DIDO1: variants seen among roughly 807,000 people sequenced by gnomAD.
The protein encoded by DIDO1 is death inducer-obliterator 1.
A neutral mutation model predicts 99.4 loss-of-function variants in DIDO1; 16 were observed. The ratio of observed to expected loss-of-function variants is 0.16; its 90% CI spans 0.11 to 0.24. The LOEUF (loss-of-function observed/expected upper bound fraction) is 0.24. Among genes scored for constraint, DIDO1 ranks in the 10% least tolerant of loss-of-function variants. DIDO1 has a pLI of 1.00. For synonymous variants in DIDO1, 1,366 were observed against 1,239.1 expected (o/e 1.10, Z -2.15); for missense variants, 2,996 against 3,014.0 (o/e 0.99, Z 0.14).
chr20:62,910,649 C>T (rs2295002), intron 3 of DIDO1, 125 bp downstream of exon 3: 248,015 of 1,177,792 alleles, frequency 0.21, 28,537 homozygotes, highest in Middle Eastern at 0.4. Context: ...TCTTTTTTGA[C>T]AACTTGTTCA....
At chr20:62,900,280 A>T (rs1422911399) in intron 6 of DIDO1, among the ~76,000 whole-genome samples, 1 of 152,234 alleles carries the variant, frequency 6.6e-6, no homozygotes, top group Non-Finnish European at 1.5e-5. Flanking sequence ...GGCCCAGATG[A>T]AACTGTTGCT....
At chr20:62,929,758 GTTTTT>G (rs35776708), upstream of DIDO1, among the ~76,000 whole-genome samples, 2 of 126,052 alleles carry the variant, frequency 1.6e-5, no homozygotes, top group Non-Finnish European at 3.3e-5. Context: ...CCACTGTTTT[GTTTTT>G]TTTTTTTGAG....
upstream of DIDO1, among the ~76,000 whole-genome samples, chr20:62,927,820 T>G (rs2065279814): frequency 1.3e-5 from 2 of 152,232 alleles, no homozygotes; most frequent in African/African-American, 4.8e-5. Context: ...TTTGCTGGTG[T>G]GGCCCATTAG....
At chr20:62,937,747 C>T in intron 1 of DIDO1, 1 of 398,186 alleles carries the variant, frequency 2.5e-6, no homozygotes, top group Non-Finnish European at 4.4e-6. Flanking sequence ...GCCTTTCCCC[C>T]GCCCCACCCC....
At chr20:62,936,282 G>T (rs927261852) in intron 1 of DIDO1, among the ~76,000 whole-genome samples, 1 of 152,200 alleles carries the variant, frequency 6.6e-6, no homozygotes, top group African/African-American at 2.4e-5. Context: ...GGCCGGATGC[G>T]GTGGCTCATG....
rs1488257039 is a variant in DIDO1, at chr20:62,878,971, G to T, written c.*262C>A. ...TAAAGTTATTGGAAAAGATAACTATGATCTGAAAAGCAATATGCTCCGTAG... is the reference window on the plus strand; with the variant it reads ...TAAAGTTATTGGAAAAGATAACTATTATCTGAAAAGCAATATGCTCCGTAG... On this transcript the variant is annotated 3_prime_UTR_variant, in exon 16 of 16. Coordinates refer to ENST00000395343, the MANE Select transcript of DIDO1 (RefSeq NM_001193369.2). 1 of 387,288 alleles carries T rather than the reference G, an allele frequency of 2.6e-6. No individual in the cohort carries two copies. Among genetic ancestry groups the T allele is most frequent in the Non-Finnish European group, 4.5e-6 (1 of 220,876 alleles). 24.0% of individuals were successfully genotyped at this position (387,288 alleles called of 1,614,324 possible).
At chr20:62,907,107 G>C in intron 5 of DIDO1, 40 bp downstream of exon 5, 3 of 1,603,710 alleles carry the variant, frequency 1.9e-6, no homozygotes, top group Non-Finnish European at 1.7e-6. Context: ...TCTCACGCCT[G>C]TGCGTCCACT....
chr20:62,888,728 T>C (rs2064341314), intron 15 of DIDO1: 1 of 985,316 alleles, frequency 1.0e-6, no homozygotes, highest in South Asian at 4.7e-5. Context: ...TGTACATGTT[T>C]ATATCTAGAA....
chr20:62,900,870 C>T (rs767016993), intron 6 of DIDO1, among the ~76,000 whole-genome samples: 2 of 152,184 alleles, frequency 1.3e-5, no homozygotes, highest in African/African-American at 2.4e-5. Context: ...AAAACAGACT[C>T]AACAGTCAGT....
intron 1 of DIDO1, among the ~76,000 whole-genome samples, chr20:62,924,826 T>G (rs73619440): frequency 6.6e-6 from 1 of 151,998 alleles, no homozygotes; most frequent in Non-Finnish European, 1.5e-5. Context: ...TGAGCTCTGC[T>G]TGACATAGTC....
Position 62,882,305 on chromosome 20 carries a change from T to C in DIDO1, c.3651A>G (p.Arg1217=). 6.2e-7 allele frequency: 1 copy of C among 1,614,016 alleles called. No individual in the cohort carries two copies. Among genetic ancestry groups the C allele is most frequent in the Non-Finnish European group, 8.5e-7 (1 of 1,180,016 alleles). The change falls in exon 16 of 16, where the codon CGA becomes CGG. Residue 1217 remains arginine, a synonymous_variant. Coordinates refer to ENST00000395343, the MANE Select transcript of DIDO1 (RefSeq NM_001193369.2). Reference sequence around the variant, plus strand: ...GAACGTCCGCTTCTTCCGGTTGAAGTCGGGTCCGCTTTTCGTCCATCTTGT... The same window carrying C: ...GAACGTCCGCTTCTTCCGGTTGAAGCCGGGTCCGCTTTTCGTCCATCTTGT... ...ELDKMDEKRT[R]LQPEEADVPA... is the part of the protein sequence containing the mutation.
At position 62,879,392 on chromosome 20, in the gene DIDO1, G is replaced by GTCGCGCCTCCGGTCTCGC; in HGVS notation, c.6546_6563dup (p.Glu2182_Arg2187dup). On this transcript the variant is annotated inframe_insertion, in exon 16 of 16. Transcript: ENST00000395343. This position sits in a 1 kb window ranked among gnomAD's most constrained non-coding sequence, Gnocchi z 6.3. ...GCTCTCTGCTCCGGGACCGGTCCCG[G>GTCGCGCCTCCGGTCTCGC]TCGCGCCTCCGGTCTCGCTCGCGCT... The GTCGCGCCTCCGGTCTCGC allele has an allele frequency of 6.5e-7, 1 of 1,544,244 alleles. No homozygotes were observed. Among genetic ancestry groups the GTCGCGCCTCCGGTCTCGC allele is most frequent in the Non-Finnish European group, 8.7e-7 (1 of 1,147,684 alleles).
At chr20:62,899,197 C>G (rs1190848179) in intron 6 of DIDO1, among the ~76,000 whole-genome samples, 1 of 152,188 alleles carries the variant, frequency 6.6e-6, no homozygotes, top group Non-Finnish European at 1.5e-5. Flanking sequence ...ACTGAAACCT[C>G]AAACCAATTC....
In DIDO1 at chr20:62,879,997, G is replaced by C. The variant is rs143042725; in HGVS notation, c.5959C>G (p.Leu1987Val). 8 of 1,611,918 alleles carry C rather than the reference G, an allele frequency of 5.0e-6. No individual in the cohort carries two copies. In the African/African-American group the frequency reaches 1.1e-4, roughly 22 times the overall value. The change falls in exon 16 of 16, where the codon CTG becomes GTG. Residue 1987 changes from leucine to valine, a missense_variant. Coordinates refer to ENST00000395343, the MANE Select transcript of DIDO1 (RefSeq NM_001193369.2). The surrounding 1 kb of genome is among the most constrained non-coding windows in gnomAD (Gnocchi z 6.3). ...GACCCCCGTAGTCCACCAAACTGCA[G>C]GGGTGCAGGCGCCCTTTGGTTTGTG... is the stretch of plus-strand genomic sequence containing the variant. ...RFTNQRAPAPLQFGGLRGSAP... is the reference protein window; with the variant it reads ...RFTNQRAPAPVQFGGLRGSAP...
chr20:62,922,361 C>A (rs886631974), intron 1 of DIDO1, among the ~76,000 whole-genome samples: 2 of 152,050 alleles, frequency 1.3e-5, no homozygotes, highest in African/African-American at 4.8e-5. Context: ...ATTCCCAGTC[C>A]TGACAGCTGC....
intron 1 of DIDO1, among the ~76,000 whole-genome samples, chr20:62,936,912 A>C (rs2065393346): frequency 6.6e-6 from 1 of 152,276 alleles, no homozygotes; most frequent in Middle Eastern, 3.2e-3. Flanking sequence ...AGGGTTATGT[A>C]GTTGCAAATG....
chr20:62,915,274 C>A (rs1244150857), intron 1 of DIDO1, among the ~76,000 whole-genome samples: 2 of 152,182 alleles, frequency 1.3e-5, no homozygotes, highest in Admixed American at 6.5e-5. Context: ...CCAGCCCAGG[C>A]AACGTGTCAC....
chr20:62,882,872 C>T (rs960777905), intron 15 of DIDO1, among the ~76,000 whole-genome samples: 2 of 149,568 alleles, frequency 1.3e-5, no homozygotes, highest in Non-Finnish European at 3.0e-5. Flanking sequence ...CTCAGCTATG[C>T]TCTTCTTCCC....
intron 1 of DIDO1, among the ~76,000 whole-genome samples, chr20:62,918,848 C>G (rs2065084616): frequency 6.6e-6 from 1 of 152,128 alleles, no homozygotes; most frequent in African/African-American, 2.4e-5. Flanking sequence ...TGAGGAGCAA[C>G]TGAGAAGACA....
Sources: gnomAD v4.1 joint callset for allele counts (sites outside exome capture counted in the v4.1 genomes callset) on GRCh38, gnomAD v4.1.1 for gene constraint, Gnocchi (gnomAD v3.1) non-coding constraint, MANE v1.5 for transcripts, NCBI Gene and HGNC (gene_info 2026-07-23, HGNC 2026-07-21) for gene names.